DDX60: variants seen among roughly 807,000 people sequenced by gnomAD.
DDX60 encodes probable ATP-dependent RNA helicase DDX60.
Under a neutral mutation model 212.8 loss-of-function variants are expected in DDX60, and 165 were observed. The ratio of observed to expected loss-of-function variants is 0.78; its 90% confidence interval spans 0.68 to 0.88. DDX60 has a LOEUF of 0.88. DDX60 is among the 40% of genes least tolerant of loss of function. The pLI, the probability that DDX60 is intolerant of heterozygous loss-of-function variation, is 0.00. For synonymous variants in DDX60, 703 were observed against 685.3 expected (o/e 1.03, Z -0.40); for missense variants, 1,905 against 2,003.9 (o/e 0.95, Z 0.94).
intron 33 of DDX60, among the ~76,000 whole-genome samples, chr4:168,229,156 A>G (rs1451422349): frequency 6.6e-6 from 1 of 152,118 alleles, no homozygotes; most frequent in Non-Finnish European, 1.5e-5. Context: ...TCAAAGAAGT[A>G]ACTTGCCTCT....
intron 12 of DDX60, among the ~76,000 whole-genome samples, chr4:168,284,365 T>C (rs1302999676): frequency 6.6e-6 from 1 of 152,108 alleles, no homozygotes; most frequent in African/African-American, 2.4e-5. Context: ...GAAGACAAGA[T>C]CCCAAATTCA....
At chr4:168,295,567 A>G (rs1579065342) in intron 6 of DDX60, among the ~76,000 whole-genome samples, 1 of 152,184 alleles carries the variant, frequency 6.6e-6, no homozygotes, top group East Asian at 1.9e-4. Flanking sequence ...ACCATGAGGC[A>G]CCCCTGGAGT....
intron 35 of DDX60, 94 bp from the exon 36 acceptor site, chr4:168,221,975 C>T (rs1733068058): frequency 7.6e-7 from 1 of 1,316,992 alleles, no homozygotes; most frequent in Non-Finnish European, 1.0e-6. Context: ...CCTTTAGTTA[C>T]CATTTTTAAA....
At chr4:168,238,421 AGG>A (rs1733712940) in intron 30 of DDX60, among the ~76,000 whole-genome samples, 1 of 866 alleles carries the variant, frequency 1.2e-3, no homozygotes, top group Non-Finnish European at 2.9e-3. Context: ...AGGAGAGGGG[AGG>A]GAAGGGAAGG....
At chr4:168,241,226 C>G (rs1733825314) in intron 30 of DDX60, among the ~76,000 whole-genome samples, 1 of 152,210 alleles carries the variant, frequency 6.6e-6, no homozygotes, top group Non-Finnish European at 1.5e-5. Flanking sequence ...ATTTCCCACT[C>G]TTGGGTATGT....
At chr4:168,232,195 C>T (rs576833630) in intron 33 of DDX60, among the ~76,000 whole-genome samples, 5 of 152,162 alleles carry the variant, frequency 3.3e-5, no homozygotes, top group Admixed American at 2.0e-4. Context: ...AACTACAACA[C>T]ACTGCTGAAA....
chr4:168,308,540 T>C (rs917765586), intron 3 of DDX60, among the ~76,000 whole-genome samples: 1 of 151,974 alleles, frequency 6.6e-6, no homozygotes, highest in African/African-American at 2.4e-5. Context: ...GTGGATTCAC[T>C]GATGGCTATT....
At position 168,237,773 on chromosome 4, in the gene DDX60, G is replaced by A. The variant is rs374919041; in HGVS notation, c.4187C>T (p.Ser1396Leu). ...TCTGGGTTGCTTGAAGGACAGCAAT[G>A]AATGCTTTAGCACTGATAGCACCTT... ...KAKVLSVLKH[S>L]LLSFKQPRVM... The change falls in exon 31 of 38, where the codon TCA becomes TTA. Residue 1396 changes from serine to leucine, a missense_variant. Ser to Leu is a moderately radical substitution (Grantham distance 145). Coordinates refer to ENST00000393743, the MANE Select transcript of DDX60 (RefSeq NM_017631.6). The A allele has an allele frequency of 6.2e-7, 1 of 1,611,226 alleles. No individual in the cohort carries two copies. The highest frequency in any genetic ancestry group is 8.5e-7 in the Non-Finnish European group (1 of 1,178,636).
chr4:168,317,312 A>G (rs981100247), intron 1 of DDX60, among the ~76,000 whole-genome samples: 6 of 152,236 alleles, frequency 3.9e-5, no homozygotes, highest in African/African-American at 1.2e-4. Context: ...AAGAAATTGC[A>G]AGAACCTTAT....
At chr4:168,226,791 C>G (rs959279807) in intron 33 of DDX60, among the ~76,000 whole-genome samples, 2 of 152,060 alleles carry the variant, frequency 1.3e-5, no homozygotes, top group Non-Finnish European at 2.9e-5. Context: ...CAAAAAGACA[C>G]ACTTCACACG....
At chr4:168,286,479 T>C (rs2149531052) in intron 10 of DDX60, among the ~76,000 whole-genome samples, 1 of 147,858 alleles carries the variant, frequency 6.8e-6, no homozygotes, top group African/African-American at 2.5e-5. Flanking sequence ...TATATTATGA[T>C]AATAGACAAA....
chr4:168,290,203 T>A (rs528136027), intron 8 of DDX60, among the ~76,000 whole-genome samples: 1 of 152,266 alleles, frequency 6.6e-6, no homozygotes, highest in East Asian at 1.9e-4. Flanking sequence ...CTCGGGATAA[T>A]CACACATGCT....
intron 1 of DDX60, among the ~76,000 whole-genome samples, chr4:168,315,615 C>T (rs1273226953): frequency 6.6e-6 from 1 of 152,128 alleles, no homozygotes; most frequent in Non-Finnish European, 1.5e-5. Context: ...TGTGAGGTTC[C>T]CCTCCCTGTG....
chr4:168,232,604 T>G (rs1021205886), intron 33 of DDX60, among the ~76,000 whole-genome samples: 1 of 151,940 alleles, frequency 6.6e-6, no homozygotes, highest in African/African-American at 2.4e-5. Flanking sequence ...AAACATAAAA[T>G]GGGGAAAGGA....
chr4:168,224,466 T>C (rs1054240856), intron 34 of DDX60, 81 bp from the exon 35 acceptor site: 7 of 1,384,136 alleles, frequency 5.1e-6, no homozygotes, highest in Non-Finnish European at 7.0e-6. Flanking sequence ...CTAGACCATG[T>C]TACAAGGGGA....
chr4:168,234,039 T>C (rs1006704073), intron 33 of DDX60, among the ~76,000 whole-genome samples: 1 of 152,084 alleles, frequency 6.6e-6, no homozygotes, highest in Admixed American at 6.6e-5. Flanking sequence ...CAACAAAATA[T>C]TGTTCCATTG....
Position 168,267,915 on chromosome 4 carries a change from T to C in DDX60, c.2855A>G (p.Lys952Arg). Residue 952 changes from lysine (K) to arginine (R), a missense_variant, in exon 21 of 38, where the codon AAA (lysine) becomes AGA (arginine). Physicochemically the swap from Lys to Arg is conservative, Grantham distance 26 (BLOSUM62 2). Coordinates refer to ENST00000393743, the MANE Select transcript of DDX60 (RefSeq NM_017631.6). Reference protein sequence around the residue: ...DKIIENNTASKRHVGRQAGFP... With the variant: ...DKIIENNTASRRHVGRQAGFP... The stretch of plus-strand genomic sequence containing the variant: ...GCCGGCCTGACGACCCACATGTCTT[T>C]TAGAAGCGGTATTATTTTCAATTAT... The C allele has an allele frequency of 2.5e-6, 4 of 1,613,506 alleles. No homozygotes were observed. Among genetic ancestry groups the C allele is most frequent in the Non-Finnish European group, 3.4e-6 (4 of 1,179,602 alleles).
chr4:168,252,386 G>C (rs1368983691), intron 27 of DDX60, 123 bp downstream of exon 27: 2 of 1,182,456 alleles, frequency 1.7e-6, no homozygotes, highest in African/African-American at 3.2e-5. Flanking sequence ...GTTCTCTTTT[G>C]GTAGGGATTG....
chr4:168,307,749 G>A (rs960852405), intron 4 of DDX60, among the ~76,000 whole-genome samples: 2 of 152,144 alleles, frequency 1.3e-5, no homozygotes, highest in African/African-American at 4.8e-5. Flanking sequence ...GGCCGCTATT[G>A]AGGAGCTTTC....
Sources: allele counts gnomAD v4.1 joint callset (sites outside exome capture counted in the v4.1 genomes callset), GRCh38; gene constraint gnomAD v4.1.1; transcripts MANE v1.5; gene names NCBI Gene and HGNC (gene_info 2026-07-23, HGNC 2026-07-21).